KPNA3: variants seen among roughly 807,000 people sequenced by gnomAD.
The protein encoded by KPNA3 is karyopherin subunit alpha 3.
Under a neutral mutation model 73.8 loss-of-function variants are expected in KPNA3, and 13 were observed. The observed-to-expected ratio is 0.18, with a 90% CI of 0.11 to 0.28. The LOEUF (loss-of-function observed/expected upper bound fraction) is 0.28. KPNA3 is among the 10% of genes least tolerant of loss of function. The pLI is 1.00. For synonymous variants in KPNA3, 186 were observed against 206.9 expected, an observed-to-expected ratio of 0.90 and a Z score of 0.87; for missense variants, 360 against 618.1, an observed-to-expected ratio of 0.58 and a Z score of 4.43.
chr13:49,782,071 A>C (rs1954945451), intron 1 of KPNA3, among the ~76,000 whole-genome samples: 1 of 152,208 alleles, frequency 6.6e-6, no homozygotes, highest in African/African-American at 2.4e-5. Flanking sequence ...GCCAGGGACA[A>C]ATTAGCCTAA....
At chr13:49,777,677 TTTTTTG>T (rs1349622164) in intron 1 of KPNA3, among the ~76,000 whole-genome samples, 1 of 151,220 alleles carries the variant, frequency 6.6e-6, no homozygotes, top group East Asian at 1.9e-4. Flanking sequence ...ATTTTTTTTT[TTTTTTG>T]TATTTTTTGT....
At chr13:49,743,785 G>A (rs1312961323) in intron 2 of KPNA3, among the ~76,000 whole-genome samples, 1 of 152,038 alleles carries the variant, frequency 6.6e-6, no homozygotes, top group African/African-American at 2.4e-5. Context: ...AACAAGAGGA[G>A]GCTTCTGAAC....
At position 49,779,468 on chromosome 13, in the gene KPNA3, G is replaced by C. The variant is rs112351892; in HGVS notation, c.69+12970C>G. Among the ~76,000 whole-genome samples the C allele has an allele frequency of 8.8e-3, 1,343 of 152,146 alleles. 19 individuals carry two copies. The highest frequency in any genetic ancestry group is 0.031 in the African/African-American group (1,290 of 41,490). On this transcript the variant is annotated intron_variant, in intron 1 of 16. Coordinates refer to ENST00000261667, the MANE Select transcript of KPNA3 (RefSeq NM_002267.4). ...CTTCAAGTCCTTTCCACCTGAGGCT[G>C]CTTCAAGATCTCTCCACATCTCACA...
At chr13:49,762,730 T>A (rs981591465) in intron 1 of KPNA3, among the ~76,000 whole-genome samples, 6 of 151,822 alleles carry the variant, frequency 4.0e-5, no homozygotes, top group Admixed American at 2.6e-4. Flanking sequence ...AACACTGCGG[T>A]AGGCCGCAGG....
chr13:49,707,622 G>C (rs1954220260), intron 12 of KPNA3, among the ~76,000 whole-genome samples: 1 of 151,788 alleles, frequency 6.6e-6, no homozygotes, highest in African/African-American at 2.4e-5. Context: ...TCACAGGCCG[G>C]AACCTTTCTC....
rs1357933015 is a variant in KPNA3, at chr13:49,701,564, G to C, written c.*236C>G. The C allele has an allele frequency of 1.6e-6, 1 of 614,198 alleles. No individual in the cohort carries two copies. Among genetic ancestry groups the C allele is most frequent in the Admixed American group, 2.1e-5 (1 of 46,904 alleles). 38.0% of individuals were successfully genotyped at this position (614,198 alleles called of 1,614,324 possible). A position where few individuals can be genotyped will look rare whatever the true frequency, so the allele number is the denominator to read the frequency against. On this transcript the variant is annotated 3_prime_UTR_variant, in exon 17 of 17. Transcript: ENST00000261667. ...GGGAACAGGGAAAAATAGGGTAGTT[G>C]AGATTGTTAAGGAGAGTTCTAAAAC...
intron 1 of KPNA3, among the ~76,000 whole-genome samples, chr13:49,755,066 A>T (rs962738193): frequency 6.8e-6 from 1 of 147,314 alleles, no homozygotes; most frequent in Non-Finnish European, 1.5e-5. Flanking sequence ...AGACAGCATT[A>T]AAAAAAAAAG....
At chr13:49,740,790 AT>A (rs1954566671) in intron 2 of KPNA3, among the ~76,000 whole-genome samples, 1 of 152,162 alleles carries the variant, frequency 6.6e-6, no homozygotes, top group Middle Eastern at 3.4e-3. Context: ...CTTTGAATCA[AT>A]ATCTCCCCAA....
intron 9 of KPNA3, among the ~76,000 whole-genome samples, chr13:49,720,415 G>C (rs1954343952): frequency 6.6e-6 from 1 of 152,118 alleles, no homozygotes; most frequent in South Asian, 2.1e-4. Context: ...AAATACCTTT[G>C]CATAGCAACA....
At chr13:49,785,671 T>C (rs1231971603) in intron 1 of KPNA3, among the ~76,000 whole-genome samples, 4 of 151,512 alleles carry the variant, frequency 2.6e-5, no homozygotes, top group Non-Finnish European at 5.9e-5. Flanking sequence ...ATTCAAAGGG[T>C]AGGAAGAAGA....
Position 49,792,530 on chromosome 13 carries a change from G to GCTACTCCTGCGGCTGCGGCGGCGA in KPNA3, c.-25_-24insTCGCCGCCGCAGCCGCAGGAGTAG. The GCTACTCCTGCGGCTGCGGCGGCGA allele has an allele frequency of 6.5e-7, 1 of 1,527,126 alleles. No individual in the cohort carries two copies. The highest frequency in any genetic ancestry group is 8.8e-7 in the Non-Finnish European group (1 of 1,133,326). 94.6% of individuals were successfully genotyped at this position (1,527,126 alleles called of 1,614,324 possible). On this transcript the variant is annotated 5_prime_UTR_variant, in exon 1 of 17. Transcript: ENST00000261667. ...ATGGCTGCGCGCGGCTCCGGCGGCG[G>GCTACTCCTGCGGCTGCGGCGGCGA]CTACTCCTGCGGCTGCGGCGGCGGC...
Position 49,706,251 on chromosome 13 carries a change from C to T in KPNA3, c.1137+17G>A. ...TTAACAGATTAACAGACACGGTGAA[C>T]TCATAATATGACCAACCTTAGCAAG... On this transcript the variant is annotated intron_variant, in intron 13 of 16. Transcript: ENST00000261667. The T allele has an allele frequency of 6.2e-7, 1 of 1,611,486 alleles. No homozygotes were observed. The highest frequency in any genetic ancestry group is 1.1e-5 in the South Asian group (1 of 90,906).
intron 1 of KPNA3, among the ~76,000 whole-genome samples, chr13:49,759,978 G>T (rs373963138): frequency 6.6e-6 from 1 of 152,156 alleles, no homozygotes; most frequent in Non-Finnish European, 1.5e-5. Flanking sequence ...CAGACACTAC[G>T]TGCCTTTCTG....
chr13:49,792,574 G>T lies in KPNA3; in HGVS notation c.-68C>A. ...CGGCGGCGGCGGCGAATCTTGGAGC[G>T]GGAGGGGGAGGAGGGGGAGAGCGGG... is the stretch of plus-strand genomic sequence containing the variant. On this transcript the variant is annotated 5_prime_UTR_variant, in exon 1 of 17. Transcript: ENST00000261667. 1.0e-6 allele frequency: 1 copy of T among 961,328 alleles called. No homozygotes were observed. Among genetic ancestry groups the T allele is most frequent in the South Asian group, 1.4e-5 (1 of 72,632 alleles). The allele number at this position is 961,328 out of a possible 1,614,324, so 59.5% of individuals were successfully genotyped here.
chr13:49,733,169 T>C (rs986984912), intron 2 of KPNA3, 123 bp from the exon 3 acceptor site: 3 of 675,638 alleles, frequency 4.4e-6, no homozygotes, highest in Admixed American at 2.8e-5. Context: ...AAGGATAATA[T>C]GAATTAAATG....
At chr13:49,733,282 GTTTTTTTTTTT>G (rs760449062) in intron 2 of KPNA3, among the ~76,000 whole-genome samples, 2 of 100,918 alleles carry the variant, frequency 2.0e-5, no homozygotes, top group African/African-American at 3.7e-5. Context: ...CCACTGTGGT[GTTTTTTTTTTT>G]TTTTTTTTTT....
intron 9 of KPNA3, among the ~76,000 whole-genome samples, chr13:49,720,713 CAG>C (rs1954346971): frequency 9.2e-6 from 1 of 108,958 alleles, no homozygotes; most frequent in Admixed American, 1.2e-4. Context: ...GCCTGGGAAA[CAG>C]AGCGAGACTG....
chr13:49,710,365 C>T (rs1954249187), intron 11 of KPNA3, among the ~76,000 whole-genome samples: 1 of 151,980 alleles, frequency 6.6e-6, no homozygotes, highest in African/African-American at 2.4e-5. Flanking sequence ...AAGTGCCTAC[C>T]CCTAATTAGA....
At chr13:49,718,575 C>A (rs1466409483) in intron 10 of KPNA3, among the ~76,000 whole-genome samples, 2 of 152,214 alleles carry the variant, frequency 1.3e-5, no homozygotes, top group Admixed American at 6.5e-5. Flanking sequence ...AGAAAGCTTA[C>A]AACTAAACTT....
Sources: gnomAD v4.1 joint callset for allele counts (sites outside exome capture counted in the v4.1 genomes callset) on GRCh38, gnomAD v4.1.1 for gene constraint, MANE v1.5 for transcripts, NCBI Gene and HGNC (gene_info 2026-07-23, HGNC 2026-07-21) for gene names.